AGTPBP1: variants seen among roughly 807,000 people sequenced by gnomAD.
AGTPBP1 encodes the protein ATP/GTP binding carboxypeptidase 1.
Under a neutral mutation model 143.9 loss-of-function variants are expected in AGTPBP1, and 70 were observed. That is an observed-to-expected ratio of 0.49 (90% confidence interval 0.40 to 0.59). The LOEUF (loss-of-function observed/expected upper bound fraction) is 0.59, where lower values mean the gene tolerates loss of function less well. AGTPBP1 is among the 20% of genes least tolerant of loss of function. The pLI, the probability that AGTPBP1 is intolerant of heterozygous loss-of-function variation, is 0.00. For missense variants in AGTPBP1, 1,229 were observed against 1,464.5 expected (o/e 0.84, Z 2.62); for synonymous variants, 463 against 500.2 (o/e 0.93, Z 0.99).
At chr9:85,710,324 A>G (rs1837286388) in intron 2 of AGTPBP1, among the ~76,000 whole-genome samples, 1 of 152,170 alleles carries the variant, frequency 6.6e-6, no homozygotes, top group Admixed American at 6.5e-5. Flanking sequence ...GAAAAAAAGG[A>G]AGAAATCAAA....
chr9:85,591,129 A>G (rs1424259490), intron 19 of AGTPBP1, among the ~76,000 whole-genome samples: 1 of 151,970 alleles, frequency 6.6e-6, no homozygotes, highest in Non-Finnish European at 1.5e-5. Context: ...AATATATTTT[A>G]AAGTCTATTT....
At chr9:85,635,733 C>T (rs1204028023) in intron 13 of AGTPBP1, among the ~76,000 whole-genome samples, 1 of 151,740 alleles carries the variant, frequency 6.6e-6, no homozygotes, top group Non-Finnish European at 1.5e-5. Flanking sequence ...AGGAGAAAAA[C>T]CTTGAACTGG....
At chr9:85,763,193 A>G in the AGTPBP1 span, among the ~76,000 whole-genome samples, 1 of 152,088 alleles carries the variant, frequency 6.6e-6, no homozygotes, top group Non-Finnish European at 1.5e-5. Flanking sequence ...AACAAAAAAA[A>G]ACCCTCACAT....
chr9:85,657,885 T>A lies in AGTPBP1; in HGVS notation c.701-242A>T, dbSNP rs965737502. ...GTTTCACGATTTATAAATATCAAAA[T>A]CTCTTTACTAAAATTAGAGGAACAT... On this transcript the variant is annotated intron_variant, in intron 9 of 25. Transcript: ENST00000357081. 3.3e-5 allele frequency among the ~76,000 whole-genome samples: 5 copies of A among 152,240 alleles called. No individual in the cohort carries two copies. In the East Asian group the frequency reaches 7.7e-4, roughly 23 times the overall value.
At chr9:85,712,455 A>G (rs377156192) in intron 2 of AGTPBP1, 47 bp downstream of exon 2, 172 of 1,009,556 alleles carry the variant, frequency 1.7e-4, no homozygotes, top group Non-Finnish European at 2.3e-4. Context: ...ATTCTGTCAT[A>G]CATTATTTCT....
chr9:85,633,943 G>T (rs1831858603), intron 13 of AGTPBP1, among the ~76,000 whole-genome samples: 1 of 151,100 alleles, frequency 6.6e-6, no homozygotes, highest in African/African-American at 2.4e-5. Context: ...TGTAATCCCA[G>T]CACTTTGGGA....
chr9:85,712,914 C>G (rs1317320435), intron 1 of AGTPBP1, among the ~76,000 whole-genome samples: 1 of 152,178 alleles, frequency 6.6e-6, no homozygotes, highest in African/African-American at 2.4e-5. Flanking sequence ...AAACCAATCA[C>G]AGCATCCTGT....
rs545501910 is a variant in AGTPBP1, at chr9:85,708,771, G to T, written c.32+3731C>A. On this transcript the variant is annotated intron_variant, in intron 2 of 25. Coordinates refer to ENST00000357081, the MANE Select transcript of AGTPBP1 (RefSeq NM_001330701.2). Reference sequence around the variant, plus strand: ...GGCTGGTCTTGAACTCCTGACCTCAGGTGATCTGCCAGCCTCGGCCTCCCA... The same window carrying T: ...GGCTGGTCTTGAACTCCTGACCTCATGTGATCTGCCAGCCTCGGCCTCCCA... Among the ~76,000 whole-genome samples the T allele has an allele frequency of 2.6e-5, 4 of 152,212 alleles. 1 individual carries two copies. The highest frequency in any genetic ancestry group is 7.2e-5 in the African/African-American group (3 of 41,528).
intron 2 of AGTPBP1, among the ~76,000 whole-genome samples, chr9:85,706,786 GA>G (rs1837035476): frequency 6.6e-6 from 1 of 152,056 alleles, no homozygotes; most frequent in Non-Finnish European, 1.5e-5. Flanking sequence ...TGAGGCAGGA[GA>G]ATGGCGTAAA....
chr9:85,622,874 G>T (rs1016021087), intron 14 of AGTPBP1, among the ~76,000 whole-genome samples: 12 of 152,102 alleles, frequency 7.9e-5, no homozygotes, highest in African/African-American at 2.9e-4. Flanking sequence ...GGTCAAGTAT[G>T]GGTGAATGAC....
intron 2 of AGTPBP1, among the ~76,000 whole-genome samples, chr9:85,706,610 C>T (rs912743071): frequency 6.6e-6 from 1 of 152,054 alleles, no homozygotes; most frequent in Non-Finnish European, 1.5e-5. Flanking sequence ...GTGGCTCACG[C>T]CTGTAATCCC....
intron 18 of AGTPBP1, among the ~76,000 whole-genome samples, chr9:85,595,601 A>G (rs1026942906): frequency 2.0e-4 from 30 of 152,248 alleles, no homozygotes; most frequent in African/African-American, 7.0e-4. Flanking sequence ...ATCTCGGCTC[A>G]TTGCAACCTC....
At chr9:85,724,154 G>GT (rs1182658684) in intron 1 of AGTPBP1, among the ~76,000 whole-genome samples, 1 of 151,974 alleles carries the variant, frequency 6.6e-6, no homozygotes, top group Non-Finnish European at 1.5e-5. Flanking sequence ...GGGTGTGGTG[G>GT]TGAGTACTTG....
intron 15 of AGTPBP1, 49 bp from the exon 16 acceptor site, chr9:85,619,350 C>T (rs1830776850): frequency 7.7e-7 from 1 of 1,293,680 alleles, no homozygotes; most frequent in Non-Finnish European, 1.1e-6. Flanking sequence ...TGCATTTAAA[C>T]AGATGAGCAA....
At chr9:85,724,319 ATC>A (rs1838331992) in intron 1 of AGTPBP1, among the ~76,000 whole-genome samples, 1 of 151,680 alleles carries the variant, frequency 6.6e-6, no homozygotes, top group African/African-American at 2.4e-5. Flanking sequence ...AGAAATAAAC[ATC>A]TGTTCTTTAT....
At chr9:85,643,035 A>G in intron 12 of AGTPBP1, 92 bp from the exon 13 acceptor site, 1 of 759,788 alleles carries the variant, frequency 1.3e-6, no homozygotes, top group South Asian at 1.6e-5. Flanking sequence ...CAAGTTATTA[A>G]TTACATGTAA....
chr9:85,593,439 G>A (rs186528238), intron 18 of AGTPBP1, among the ~76,000 whole-genome samples: 1 of 152,176 alleles, frequency 6.6e-6, no homozygotes, highest in Non-Finnish European at 1.5e-5. Context: ...AGCAATGTGT[G>A]ATCCTTGGCT....
the AGTPBP1 span, among the ~76,000 whole-genome samples, chr9:85,779,210 T>A: frequency 7.9e-5 from 11 of 138,466 alleles, no homozygotes; most frequent in African/African-American, 3.3e-4. Context: ...GATATAGATA[T>A]AGATATAGAT....
chr9:85,686,989 A>C (rs1339488129), intron 3 of AGTPBP1, among the ~76,000 whole-genome samples: 1 of 152,208 alleles, frequency 6.6e-6, no homozygotes, highest in Non-Finnish European at 1.5e-5. Flanking sequence ...ATCTTCAAGA[A>C]ACACACTTTA....
Sources: gnomAD v4.1 joint callset for allele counts (sites outside exome capture counted in the v4.1 genomes callset) on GRCh38, gnomAD v4.1.1 for gene constraint, MANE v1.5 for transcripts, NCBI Gene and HGNC (gene_info 2026-07-23, HGNC 2026-07-21) for gene names.